Variants in ATP8A2 observed in about 807,000 individuals in gnomAD.
ATP8A2 encodes ATPase phospholipid transporting 8A2, also known as phospholipid-transporting ATPase IB.
A neutral mutation model predicts 165.6 loss-of-function variants in ATP8A2; 100 were observed. The ratio of observed to expected loss-of-function variants is 0.60; its 90% CI spans 0.51 to 0.71. The LOEUF is 0.71. ATP8A2 is among the 30% of genes least tolerant of loss of function. The probability of loss-of-function intolerance (pLI) is 0.00; values close to 1 mark genes in which losing one functional copy is unlikely to be tolerated. For missense variants in ATP8A2, 1,227 were observed against 1,479.5 expected (o/e 0.83, Z 2.80); for synonymous variants, 543 against 548.8 (o/e 0.99, Z 0.15).
chr13:25,600,101 A>G (rs1166853986), intron 24 of ATP8A2, among the ~76,000 whole-genome samples: 1 of 152,210 alleles, frequency 6.6e-6, no homozygotes, highest in Non-Finnish European at 1.5e-5. Flanking sequence ...GAGTACAGTA[A>G]GAAAACTCTA....
In ATP8A2 at chr13:25,730,797, A is replaced by G. The variant is rs539416368; in HGVS notation, c.2384+31452A>G. 2.8e-4 allele frequency among the ~76,000 whole-genome samples: 43 copies of G among 152,184 alleles called. No homozygotes were observed. In the Middle Eastern group the frequency reaches 0.017, roughly 60 times the overall value. On this transcript the variant is annotated intron_variant, in intron 25 of 36. Transcript: ENST00000381655. ...ATTTTTTTTAAGGAAGGAATAGGCC[A>G]GGCATGAGTGGCTCACACCTGTAAT... is the stretch of plus-strand genomic sequence containing the variant.
intron 35 of ATP8A2, among the ~76,000 whole-genome samples, chr13:26,011,013 C>T (rs1566350228): frequency 1.3e-5 from 2 of 152,158 alleles, no homozygotes; most frequent in African/African-American, 4.8e-5. Flanking sequence ...GGTGGGTCTG[C>T]AGTCATGGGA....
At chr13:25,416,262 T>G (rs1459961363) in intron 1 of ATP8A2, among the ~76,000 whole-genome samples, 1 of 152,198 alleles carries the variant, frequency 6.6e-6, no homozygotes, top group Non-Finnish European at 1.5e-5. Flanking sequence ...AATAAACATT[T>G]GTTGAATGAA....
intron 1 of ATP8A2, among the ~76,000 whole-genome samples, chr13:25,381,112 T>C (rs540500129): frequency 8.5e-5 from 13 of 152,290 alleles, no homozygotes; most frequent in Non-Finnish European, 1.5e-4. Context: ...TATGGTCTGA[T>C]ATTATCAGTC....
chr13:25,642,359 AG>A (rs1316862794), intron 24 of ATP8A2, among the ~76,000 whole-genome samples: 1 of 152,198 alleles, frequency 6.6e-6, no homozygotes, highest in Non-Finnish European at 1.5e-5. Flanking sequence ...CATCTGACAA[AG>A]GGCTAATATC....
At chr13:25,531,386 A>ATATATATATGAT (rs1201592010) in intron 4 of ATP8A2, among the ~76,000 whole-genome samples, 2 of 58,534 alleles carry the variant, frequency 3.4e-5, no homozygotes, top group African/African-American at 2.5e-4. Context: ...TATATATATG[A>ATATATATATGAT]TATATATATG....
chr13:25,913,057 A>T (rs1031626766), intron 33 of ATP8A2, among the ~76,000 whole-genome samples: 2 of 152,240 alleles, frequency 1.3e-5, no homozygotes, highest in African/African-American at 4.8e-5. Context: ...AGTTAAAAAT[A>T]GCAATTTTCT....
At chr13:25,730,654 C>T (rs1359424564) in intron 25 of ATP8A2, among the ~76,000 whole-genome samples, 2 of 151,930 alleles carry the variant, frequency 1.3e-5, no homozygotes, top group African/African-American at 2.4e-5. Context: ...TATAATAGAC[C>T]AAATGTGATT....
chr13:26,007,950 C>A, intron 35 of ATP8A2, among the ~76,000 whole-genome samples: 1 of 152,134 alleles, frequency 6.6e-6, no homozygotes, highest in East Asian at 1.9e-4. Flanking sequence ...GACAGAGAAG[C>A]AATGAGTCAT....
intron 24 of ATP8A2, among the ~76,000 whole-genome samples, chr13:25,643,969 C>T (rs1240839351): frequency 1.7e-5 from 2 of 119,684 alleles, no homozygotes; most frequent in Admixed American, 9.6e-5. Flanking sequence ...ATGTCTTTCA[C>T]CTCCTTAGTT....
intron 16 of ATP8A2, among the ~76,000 whole-genome samples, chr13:25,566,949 C>T (rs1215010967): frequency 5.9e-5 from 9 of 152,118 alleles, no homozygotes; most frequent in Admixed American, 5.9e-4. Flanking sequence ...GAGAGGAATC[C>T]CATTCTCTTT....
intron 2 of ATP8A2, among the ~76,000 whole-genome samples, chr13:25,503,342 A>G (rs1162167120): frequency 1.3e-5 from 2 of 152,208 alleles, no homozygotes; most frequent in Non-Finnish European, 2.9e-5. Context: ...TGAAAAGGGA[A>G]GTAACCCTAC....
At chr13:25,865,603 AG>A (rs1952486218) in intron 33 of ATP8A2, among the ~76,000 whole-genome samples, 1 of 152,164 alleles carries the variant, frequency 6.6e-6, no homozygotes, top group East Asian at 1.9e-4. Flanking sequence ...TTGAGGGCAA[AG>A]GAAAGGAAGG....
intron 1 of ATP8A2, among the ~76,000 whole-genome samples, chr13:25,374,523 A>G (rs1322928496): frequency 2.6e-5 from 4 of 152,188 alleles, no homozygotes; most frequent in African/African-American, 9.7e-5. Flanking sequence ...GACGGCATGA[A>G]CATCAACGCA....
At chr13:25,957,828 C>T (rs1955560962) in intron 33 of ATP8A2, among the ~76,000 whole-genome samples, 1 of 152,092 alleles carries the variant, frequency 6.6e-6, no homozygotes, top group African/African-American at 2.4e-5. Flanking sequence ...TTGTTTATTG[C>T]AGCACTCTTC....
chr13:25,710,574 C>T (rs141130084), intron 25 of ATP8A2, among the ~76,000 whole-genome samples: 6 of 152,182 alleles, frequency 3.9e-5, no homozygotes, highest in Non-Finnish European at 8.8e-5. Context: ...GGTAACCACA[C>T]TGCTTGTCAG....
At chr13:25,776,974 T>G (rs965978678) in intron 27 of ATP8A2, among the ~76,000 whole-genome samples, 7 of 151,960 alleles carry the variant, frequency 4.6e-5, no homozygotes, top group African/African-American at 1.2e-4. Context: ...TGCTGGTGTT[T>G]TTTTTTTTAC....
chr13:25,697,659 T>C (rs9507550), intron 24 of ATP8A2, among the ~76,000 whole-genome samples: 150,915 of 152,350 alleles, frequency 0.99, 74,764 homozygotes, highest in East Asian at 1. Context: ...GTATGCCAAG[T>C]CCCGTGCTAA....
chr13:25,588,068 C>G (rs1170830748), intron 23 of ATP8A2, among the ~76,000 whole-genome samples: 3 of 151,954 alleles, frequency 2.0e-5, no homozygotes, highest in Non-Finnish European at 4.4e-5. Context: ...TTTGTTTTAA[C>G]AAGAGAAATA....
Sources: allele counts gnomAD v4.1 joint callset (sites outside exome capture counted in the v4.1 genomes callset), GRCh38; gene constraint gnomAD v4.1.1; transcripts MANE v1.5; gene names NCBI Gene and HGNC (gene_info 2026-07-23, HGNC 2026-07-21).